Variants in GPR160 observed in about 807,000 individuals in gnomAD.
GPR160 encodes G protein-coupled receptor 160.
GPR160 carries 2 observed loss-of-function variants against 2.6 expected under a neutral mutation model. The ratio of observed to expected loss-of-function variants is 0.77; its 90% CI spans 0.32 to 2.44. The LOEUF is 2.44. Among genes scored for constraint, GPR160 ranks in the 30% most tolerant of loss-of-function variants. The pLI is 0.11. For missense variants in GPR160, 351 were observed against 383.6 expected, an observed-to-expected ratio of 0.91 and a Z score of 0.71; for synonymous variants, 130 against 132.2, an observed-to-expected ratio of 0.98 and a Z score of 0.12.
chr3:170,048,290 A>ATGAAAAAC (rs879554798), intron 2 of GPR160, among the ~76,000 whole-genome samples: 68 of 152,212 alleles, frequency 4.5e-4, no homozygotes, highest in Non-Finnish European at 9.1e-4. Flanking sequence ...GGGATGAGGG[A>ATGAAAAAC]TGAAAAACAA....
intron 2 of GPR160, among the ~76,000 whole-genome samples, chr3:170,067,183 T>C (rs118039394): frequency 0.011 from 1,680 of 152,238 alleles, 12 homozygotes; most frequent in East Asian, 0.021. Flanking sequence ...TTTTGTGTTT[T>C]TAGTAGAGAC....
intron 2 of GPR160, among the ~76,000 whole-genome samples, chr3:170,039,593 G>A (rs1339330501): frequency 2.0e-5 from 3 of 152,058 alleles, no homozygotes; most frequent in African/African-American, 7.2e-5. Flanking sequence ...CTGTAATCCC[G>A]GCTACTCGGG....
chr3:170,071,129 T>G (rs563268482), intron 2 of GPR160, among the ~76,000 whole-genome samples: 1 of 152,240 alleles, frequency 6.6e-6, no homozygotes, highest in South Asian at 2.1e-4. Context: ...ATTGCTAGGC[T>G]CTTTTTGTTC....
rs745775541 is a variant in GPR160, at chr3:170,085,017, A to G, written c.*28A>G. 2 of 1,188,538 alleles carry G rather than the reference A, an allele frequency of 1.7e-6. No individual in the cohort carries two copies. The highest frequency in any genetic ancestry group is 1.7e-5 in the South Asian group (1 of 59,278). 73.6% of individuals were successfully genotyped at this position (1,188,538 alleles called of 1,614,324 possible). ...TTATTAATTAAAAGTTACAGCTGTC[A>G]TAAGATCATAATTTTATGAACAGAA... On this transcript the variant is annotated 3_prime_UTR_variant, in exon 4 of 4. Coordinates refer to ENST00000355897, the MANE Select transcript of GPR160 (RefSeq NM_014373.3).
chr3:170,043,568 A>G (rs368244455), intron 2 of GPR160, among the ~76,000 whole-genome samples: 12 of 152,294 alleles, frequency 7.9e-5, no homozygotes, highest in African/African-American at 2.9e-4. Flanking sequence ...AGAGGTTAAT[A>G]GTTTTTGCCT....
chr3:170,058,760 G>A (rs555654604), intron 2 of GPR160, among the ~76,000 whole-genome samples: 26 of 152,238 alleles, frequency 1.7e-4, no homozygotes, highest in Non-Finnish European at 3.1e-4. Context: ...GTTGTTCATC[G>A]CTACATTATT....
chr3:170,067,544 CA>C (rs1195773446), intron 2 of GPR160, among the ~76,000 whole-genome samples: 1 of 151,944 alleles, frequency 6.6e-6, no homozygotes, highest in Non-Finnish European at 1.5e-5. Context: ...CCAGTGTTTC[CA>C]AAAAGCCTGA....
intron 2 of GPR160, among the ~76,000 whole-genome samples, chr3:170,070,611 A>T (rs1431934055): frequency 1.3e-5 from 2 of 152,196 alleles, no homozygotes; most frequent in African/African-American, 4.8e-5. Flanking sequence ...TAGCACAGGA[A>T]CGGCAGGAGA....
intron 2 of GPR160, among the ~76,000 whole-genome samples, chr3:170,072,067 CTTTTTTT>C (rs1202875086): frequency 1.2e-5 from 1 of 85,964 alleles, no homozygotes. Flanking sequence ...TGTATACAAG[CTTTTTTT>C]TTTTTTTTTT....
At chr3:170,064,125 T>TA (rs1481794097) in intron 2 of GPR160, among the ~76,000 whole-genome samples, 15 of 152,202 alleles carry the variant, frequency 9.9e-5, no homozygotes, top group Admixed American at 9.8e-4. Context: ...TTTGTTTTTG[T>TA]AGAAGAGATT....
chr3:170,056,663 G>A (rs1711658558), intron 2 of GPR160, among the ~76,000 whole-genome samples: 1 of 152,178 alleles, frequency 6.6e-6, no homozygotes, highest in South Asian at 2.1e-4. Flanking sequence ...GTTTGTATGC[G>A]AGAAATACTA....
At chr3:170,045,437 A>AC (rs1716673743) in intron 2 of GPR160, among the ~76,000 whole-genome samples, 1 of 104,960 alleles carries the variant, frequency 9.5e-6, no homozygotes, top group Non-Finnish European at 2.0e-5. Flanking sequence ...AAAAAAAAAA[A>AC]AAAAAAAAAA....
In GPR160 at chr3:170,079,917, ATAAT is replaced by A. The variant is rs1207004941; in HGVS notation, c.-69+26_-69+29del. 5 of 152,340 alleles carry A rather than the reference ATAAT, an allele frequency of 3.3e-5. No homozygotes were observed. In the South Asian group the frequency reaches 8.3e-4, roughly 25 times the overall value. The allele number at this position is 152,340 out of a possible 1,614,324, so 9.4% of individuals were successfully genotyped here. A position where few individuals can be genotyped will look rare whatever the true frequency, so the allele number is the denominator to read the frequency against. ...TGGAGAGTAAGTATGCAAGTTGTTA[ATAAT>A]TAATTGGGTTACAAAGGGAAAAACA... On this transcript the variant is annotated intron_variant, in intron 3 of 3. Transcript: ENST00000355897.
intron 2 of GPR160, among the ~76,000 whole-genome samples, chr3:170,040,913 G>A (rs1716416707): frequency 6.6e-6 from 1 of 152,156 alleles, no homozygotes; most frequent in Admixed American, 6.6e-5. Context: ...CTGCATGGTG[G>A]TAACACATTT....
chr3:170,050,986 A>G (rs374313573), intron 2 of GPR160, among the ~76,000 whole-genome samples: 5 of 152,198 alleles, frequency 3.3e-5, no homozygotes, highest in South Asian at 2.1e-4. Context: ...TTGTAGGGGT[A>G]TAATTGCGGA....
intron 2 of GPR160, chr3:170,062,923 G>T: frequency 2.9e-6 from 1 of 349,954 alleles, no homozygotes. Flanking sequence ...TGGTAGAAAA[G>T]CACCGGAGCC....
chr3:170,068,035 C>T (rs1712429839), intron 2 of GPR160, among the ~76,000 whole-genome samples: 1 of 152,206 alleles, frequency 6.6e-6, no homozygotes, highest in South Asian at 2.1e-4. Context: ...ATGGTAGGTA[C>T]AGGTGCTAAA....
intron 3 of GPR160, chr3:170,083,600 T>C (rs1713250832): frequency 6.4e-6 from 1 of 156,164 alleles, no homozygotes; most frequent in African/African-American, 2.4e-5. Context: ...TTGGCCCTGG[T>C]AGATAAAACC....
intron 2 of GPR160, among the ~76,000 whole-genome samples, chr3:170,046,057 T>G (rs1162368323): frequency 6.6e-6 from 1 of 152,234 alleles, no homozygotes; most frequent in Non-Finnish European, 1.5e-5. Context: ...GTTAGAGCCC[T>G]GCTTCCTTTA....
Sources: allele counts gnomAD v4.1 joint callset (sites outside exome capture counted in the v4.1 genomes callset), GRCh38; gene constraint gnomAD v4.1.1; transcripts MANE v1.5; gene names NCBI Gene and HGNC (gene_info 2026-07-23, HGNC 2026-07-21).